Variants in FRMD4A observed in about 807,000 individuals in gnomAD.
FRMD4A encodes FERM domain-containing protein 4A.
In FRMD4A, 29 loss-of-function variants were observed where a neutral mutation model predicts 129.1. That is an observed-to-expected ratio of 0.22 (90% CI 0.17 to 0.31). The LOEUF (loss-of-function observed/expected upper bound fraction) is 0.31. Among genes scored for constraint, FRMD4A ranks in the 10% least tolerant of loss-of-function variants. The probability of loss-of-function intolerance (pLI) is 1.00; values close to 1 mark genes in which losing one functional copy is unlikely to be tolerated. For missense variants in FRMD4A, 1,272 were observed against 1,375.8 expected (o/e 0.92, Z 1.19); for synonymous variants, 634 against 571.6 (o/e 1.11, Z -1.56).
At position 14,077,649 on chromosome 10, in the gene FRMD4A, C is replaced by T. The variant is rs186555347; in HGVS notation, c.46-218737G>A. Among the ~76,000 whole-genome samples, 165 of 152,326 alleles carry T rather than the reference C, an allele frequency of 1.1e-3. 2 individuals are homozygous for T. The highest frequency in any genetic ancestry group is 2.1e-3 in the Non-Finnish European group (140 of 68,036). Reference sequence around the variant, plus strand: ...TGCTGAGAGGCCCATGGAAGCCTGACAGCTTGATGTTGCATCTGTGAGAAG... The same window carrying T: ...TGCTGAGAGGCCCATGGAAGCCTGATAGCTTGATGTTGCATCTGTGAGAAG... On this transcript the variant is annotated intron_variant, in intron 2 of 24. Transcript: ENST00000357447.
intron 2 of FRMD4A, among the ~76,000 whole-genome samples, chr10:14,108,833 C>G (rs2131788992): frequency 6.6e-6 from 1 of 152,158 alleles, no homozygotes; most frequent in East Asian, 1.9e-4. Flanking sequence ...TCCATAGAAA[C>G]AAAAACAAAC....
chr10:14,326,569 A>G (rs1231143468), intron 2 of FRMD4A: 2 of 332,054 alleles, frequency 6.0e-6, no homozygotes, highest in Non-Finnish European at 1.1e-5. Flanking sequence ...TTTATTATCC[A>G]GTTAATTTCC....
In FRMD4A at chr10:13,651,758, ATAGTTC is replaced by A; in HGVS notation, c.*2+139_*2+144del. On this transcript the variant is annotated intron_variant, in intron 24 of 24. Transcript: ENST00000357447. The stretch of plus-strand genomic sequence containing the variant: ...GATGTAAGAACCTTCAGCTAAAAAC[ATAGTTC>A]CAGTTCCCCATGTATCTAGAAATAA... 4 of 632,138 alleles carry A rather than the reference ATAGTTC, an allele frequency of 6.3e-6. No individual in the cohort carries two copies. The South Asian group carries it at 7.7e-5, about 12-fold the overall frequency. The allele number at this position is 632,138 out of a possible 1,614,324, so 39.2% of individuals were successfully genotyped here.
chr10:14,295,777 A>G (rs925032790), intron 2 of FRMD4A, among the ~76,000 whole-genome samples: 13 of 152,220 alleles, frequency 8.5e-5, no homozygotes, highest in African/African-American at 2.7e-4. Context: ...AAAGATATGT[A>G]CTACTTAATG....
chr10:13,745,821 A>G (rs1241151462), intron 9 of FRMD4A, among the ~76,000 whole-genome samples: 1 of 152,124 alleles, frequency 6.6e-6, no homozygotes, highest in Non-Finnish European at 1.5e-5. Flanking sequence ...GGCCTTGACC[A>G]TTGGATTTTT....
At chr10:14,021,151 T>G (rs1832726641) in intron 2 of FRMD4A, among the ~76,000 whole-genome samples, 1 of 152,112 alleles carries the variant, frequency 6.6e-6, no homozygotes. Context: ...GATTGAGACT[T>G]GAGCCCATGA....
chr10:13,849,909 C>A, intron 3 of FRMD4A, among the ~76,000 whole-genome samples: 1 of 151,858 alleles, frequency 6.6e-6, no homozygotes, highest in East Asian at 2.0e-4. Flanking sequence ...GTGGCTCATA[C>A]CTGTAATCCC....
chr10:13,675,125 T>G, intron 15 of FRMD4A, 81 bp from the exon 16 acceptor site: 1 of 1,312,082 alleles, frequency 7.6e-7, no homozygotes, highest in Non-Finnish European at 1.1e-6. Flanking sequence ...CTGGAGCCCA[T>G]GCTGCGGAGA....
chr10:13,889,892 T>A (rs2094674443), intron 2 of FRMD4A, among the ~76,000 whole-genome samples: 1 of 152,254 alleles, frequency 6.6e-6, no homozygotes, highest in Admixed American at 6.5e-5. Context: ...TCAAAGCATG[T>A]CCAAATATTG....
At chr10:13,687,117 C>A (rs549875518) in intron 15 of FRMD4A, among the ~76,000 whole-genome samples, 2 of 152,156 alleles carry the variant, frequency 1.3e-5, no homozygotes, top group South Asian at 4.2e-4. Flanking sequence ...ATCATGAAAC[C>A]CCATCTCTAC....
In FRMD4A at chr10:14,205,081, T is replaced by C. The variant is rs1488511219; in HGVS notation, c.45+124977A>G. Among the ~76,000 whole-genome samples the C allele has an allele frequency of 2.0e-5, 3 of 147,206 alleles. No individual in the cohort carries two copies. In the Admixed American group the frequency reaches 2.0e-4, roughly 10 times the overall value. ...TCTTTCTTTTTTTTTTTTTTTGCTA[T>C]ACTTCTTTGAGACAGTGTAAACCAA... is the stretch of plus-strand genomic sequence containing the variant. On this transcript the variant is annotated intron_variant, in intron 2 of 24. Coordinates refer to ENST00000357447, the MANE Select transcript of FRMD4A (RefSeq NM_018027.5).
chr10:14,008,844 T>A (rs2095671428), intron 2 of FRMD4A, among the ~76,000 whole-genome samples: 1 of 152,070 alleles, frequency 6.6e-6, no homozygotes, highest in South Asian at 2.1e-4. Context: ...TTCTAACGCA[T>A]AAAAATAAAC....
rs1296751118 is a variant in FRMD4A, at chr10:14,245,852, C to CA, written c.45+84205dup. On this transcript the variant is annotated intron_variant, in intron 2 of 24. Transcript: ENST00000357447. ...CCCAGTCTGTGGTGCTTTATTACGG[C>CA]AGCCCAAGCAAACTCATACAAGCTC... is the stretch of plus-strand genomic sequence containing the variant. 2.1e-4 allele frequency among the ~76,000 whole-genome samples: 32 copies of CA among 152,150 alleles called. 1 individual carries two copies. The highest frequency in any genetic ancestry group is 2.0e-3 in the Admixed American group (31 of 15,276).
chr10:14,036,646 C>T (rs184178785), intron 2 of FRMD4A, among the ~76,000 whole-genome samples: 43 of 152,282 alleles, frequency 2.8e-4, no homozygotes, highest in African/African-American at 1.0e-3. Context: ...TGGAGTCTTG[C>T]TCTGTTGCCC....
At chr10:13,816,030 G>C (rs1424573730) in intron 3 of FRMD4A, among the ~76,000 whole-genome samples, 2 of 152,188 alleles carry the variant, frequency 1.3e-5, no homozygotes, top group Non-Finnish European at 2.9e-5. Flanking sequence ...AGCAGTAGCT[G>C]CCTGGCTGGA....
intron 2 of FRMD4A, among the ~76,000 whole-genome samples, chr10:13,889,944 C>A (rs367804920): frequency 2.0e-5 from 3 of 152,184 alleles, no homozygotes; most frequent in African/African-American, 7.2e-5. Context: ...TTCTCAGGAC[C>A]AAGTGGATTC....
At chr10:13,958,353 G>C (rs866891154) in intron 2 of FRMD4A, among the ~76,000 whole-genome samples, 1 of 139,586 alleles carries the variant, frequency 7.2e-6, no homozygotes, top group African/African-American at 2.8e-5. Context: ...GCGCGATCTC[G>C]GCTCACTGCA....
chr10:14,061,939 T>G (rs1184170639), intron 2 of FRMD4A, among the ~76,000 whole-genome samples: 1 of 152,214 alleles, frequency 6.6e-6, no homozygotes, highest in African/African-American at 2.4e-5. Flanking sequence ...AGTCAATTCC[T>G]TACTTACAAA....
At chr10:14,319,052 T>C (rs1846865693) in intron 2 of FRMD4A, among the ~76,000 whole-genome samples, 1 of 152,292 alleles carries the variant, frequency 6.6e-6, no homozygotes, top group Non-Finnish European at 1.5e-5. Flanking sequence ...GTGGGGAGAC[T>C]CTAACGTTAT....
Sources: allele counts gnomAD v4.1 joint callset (sites outside exome capture counted in the v4.1 genomes callset), GRCh38; gene constraint gnomAD v4.1.1; transcripts MANE v1.5; gene names NCBI Gene and HGNC (gene_info 2026-07-23, HGNC 2026-07-21).